Variants in KIF14 observed in about 807,000 individuals in gnomAD.
The protein encoded by KIF14 is kinesin-like protein KIF14.
In KIF14, 98 loss-of-function variants were observed where a neutral mutation model predicts 176.2. The ratio of observed to expected loss-of-function variants is 0.56; its 90% CI spans 0.47 to 0.66. The LOEUF (loss-of-function observed/expected upper bound fraction) is 0.66, where lower values mean the gene tolerates loss of function less well. Among genes scored for constraint, KIF14 ranks in the 30% least tolerant of loss-of-function variants. The probability of loss-of-function intolerance (pLI) is 0.00; values close to 1 mark genes in which losing one functional copy is unlikely to be tolerated. For missense variants in KIF14, 1,751 were observed against 1,920.4 expected (o/e 0.91, Z 1.65); for synonymous variants, 566 against 632.2 (o/e 0.90, Z 1.57).
Position 200,590,262 on chromosome 1 carries a change from C to A in KIF14, c.2824G>T (p.Glu942Ter). ...LMAQRSQLEAEIKEAQLKAKE... is the reference protein window; with the variant it reads ...LMAQRSQLEA ...GCCTTCAACTGAGCCTCTTTTATTT[C>A]TGCTTCAAGTCTACAATGTAGCAAG... The change falls in exon 17 of 30, where the codon GAA becomes TAA. Residue 942 changes from glutamate to a stop codon, truncating the protein, a stop_gained. Coordinates refer to ENST00000367350, the MANE Select transcript of KIF14 (RefSeq NM_014875.3). LOFTEE classifies it high-confidence loss of function. 1 of 1,612,770 alleles carries A rather than the reference C, an allele frequency of 6.2e-7. No homozygotes were observed. The highest frequency in any genetic ancestry group is 8.5e-7 in the Non-Finnish European group (1 of 1,179,688).
intron 16 of KIF14, among the ~76,000 whole-genome samples, chr1:200,590,709 A>T (rs1659010210): frequency 6.6e-6 from 1 of 152,186 alleles, no homozygotes; most frequent in African/African-American, 2.4e-5. Context: ...GAGATGGATG[A>T]TGGTGATGGT....
intron 19 of KIF14, among the ~76,000 whole-genome samples, chr1:200,585,740 ACT>A (rs1053981242): frequency 1.3e-5 from 2 of 151,558 alleles, no homozygotes; most frequent in African/African-American, 2.4e-5. Flanking sequence ...AGGTGAGGGG[ACT>A]CTCTGCAATT....
At chr1:200,595,236 C>T (rs1387319761) in intron 14 of KIF14, among the ~76,000 whole-genome samples, 1 of 151,962 alleles carries the variant, frequency 6.6e-6, no homozygotes, top group Non-Finnish European at 1.5e-5. Context: ...GTCAACTCTT[C>T]CTTCTCTTCA....
chr1:200,572,116 C>G (rs114278933), intron 22 of KIF14, among the ~76,000 whole-genome samples: 3,582 of 152,178 alleles, frequency 0.024, 49 homozygotes, highest in Non-Finnish European at 0.035. Flanking sequence ...GCTGAAACTT[C>G]GTATACAAGG....
chr1:200,583,443 G>C (rs1658569179), intron 19 of KIF14, among the ~76,000 whole-genome samples: 1 of 152,134 alleles, frequency 6.6e-6, no homozygotes, highest in Non-Finnish European at 1.5e-5. Flanking sequence ...CTTCAAACTA[G>C]TCCAGGGAAG....
Position 200,618,238 on chromosome 1 carries a change from T to C in KIF14, c.486A>G (p.Thr162=), listed in dbSNP as rs144020772. The change falls in exon 2 of 30, where the codon ACA becomes ACG. Residue 162 remains threonine, a synonymous_variant. Coordinates refer to ENST00000367350, the MANE Select transcript of KIF14 (RefSeq NM_014875.3). ...ENNGVSKESR[T]NVRIVNNAKN... ...TAGCATTATTTACAATCCTTACATT[T>C]GTTCTACTTTCCTTAGAAACACCAT... is the stretch of plus-strand genomic sequence containing the variant. The C allele has an allele frequency of 5.0e-6, 8 of 1,613,826 alleles. No individual in the cohort carries two copies. In the African/African-American group the frequency reaches 8.0e-5, roughly 16 times the overall value.
chr1:200,576,410 G>A (rs952164430), intron 21 of KIF14, among the ~76,000 whole-genome samples: 4 of 150,858 alleles, frequency 2.7e-5, no homozygotes, highest in African/African-American at 4.9e-5. Context: ...CCCGGGAGGC[G>A]GAGCTTGCAG....
chr1:200,596,923 T>G (rs1423693987), intron 14 of KIF14, among the ~76,000 whole-genome samples: 1 of 141,044 alleles, frequency 7.1e-6, no homozygotes. Flanking sequence ...TGAGACATAG[T>G]CTCGCTCTGT....
intron 22 of KIF14, among the ~76,000 whole-genome samples, chr1:200,570,537 T>C (rs563986343): frequency 6.6e-6 from 1 of 152,166 alleles, no homozygotes; most frequent in Non-Finnish European, 1.5e-5. Flanking sequence ...TAAATGAAAG[T>C]AGTGTACATG....
At chr1:200,612,664 T>C (rs1174075512) in intron 4 of KIF14, among the ~76,000 whole-genome samples, 2 of 152,136 alleles carry the variant, frequency 1.3e-5, no homozygotes, top group Non-Finnish European at 2.9e-5. Context: ...AGAGGCAGTA[T>C]ATCCACAGAA....
At chr1:200,587,072 G>A (rs1037049801) in intron 18 of KIF14, among the ~76,000 whole-genome samples, 21 of 152,090 alleles carry the variant, frequency 1.4e-4, no homozygotes, top group Non-Finnish European at 2.9e-5. Context: ...GGGCTCAGGG[G>A]TTGGTTTCAG....
At chr1:200,561,263 G>C (rs948478056) in intron 25 of KIF14, among the ~76,000 whole-genome samples, 2 of 146,498 alleles carry the variant, frequency 1.4e-5, no homozygotes, top group East Asian at 4.0e-4. Flanking sequence ...AAAATGTCCC[G>C]GACACGGTGG....
intron 3 of KIF14, 66 bp downstream of exon 3, chr1:200,615,289 C>T (rs1258613813): frequency 2.1e-6 from 3 of 1,451,520 alleles, no homozygotes; most frequent in African/African-American, 2.8e-5. Flanking sequence ...TCTATCACCC[C>T]TATGCCACTT....
At chr1:200,589,432 CCTTT>C in intron 17 of KIF14, 63 bp from the exon 18 acceptor site, 1 of 1,384,236 alleles carries the variant, frequency 7.2e-7, no homozygotes, top group Non-Finnish European at 9.8e-7. Flanking sequence ...TACAAAAGTC[CCTTT>C]CTTTAACCAA....
intron 25 of KIF14, among the ~76,000 whole-genome samples, chr1:200,561,262 C>T (rs563999490): frequency 2.1e-3 from 301 of 144,550 alleles, no homozygotes; most frequent in Non-Finnish European, 3.4e-3. Flanking sequence ...AAAAATGTCC[C>T]GGACACGGTG....
chr1:200,615,480 A>T lies in KIF14; in HGVS notation c.1242T>A (p.His414Gln). 6.2e-7 allele frequency: 1 copy of T among 1,614,158 alleles called. No homozygotes were observed. The highest frequency in any genetic ancestry group is 8.5e-7 in the Non-Finnish European group (1 of 1,180,008). Residue 414 changes from histidine to glutamine, a missense_variant, in exon 3 of 30, where the codon CAT becomes CAA. His to Gln is a conservative substitution (Grantham distance 24, BLOSUM62 0). Coordinates refer to ENST00000367350, the MANE Select transcript of KIF14 (RefSeq NM_014875.3). ...CAGTTGTCTGGCTAGCGTAGTGAGG[A>T]TGACATTCATCAAAAGACCAGAATG... ...DVSFWSFDEC[H>Q]PHYASQTTVY...
rs1188664298 is a variant in KIF14, at chr1:200,617,614, C to T, written c.1110G>A (p.Lys370=). Residue 370 remains lysine (K), a splice_region_variant and synonymous_variant, in exon 2 of 30, where the codon AAG becomes AAA. Transcript: ENST00000367350. The part of the protein sequence containing the change: ...TVAVRVRPFT[K]REKIEKASQV... The stretch of plus-strand genomic sequence containing the variant: ...AGATTTTAAAAGGCATCACATACCT[C>T]TTGGTGAAAGGTCTTACGCGTACTG... 2 of 1,596,128 alleles carry T rather than the reference C, an allele frequency of 1.3e-6. No homozygotes were observed. Among genetic ancestry groups the T allele is most frequent in the Non-Finnish European group, 1.7e-6 (2 of 1,170,022 alleles).
intron 4 of KIF14, among the ~76,000 whole-genome samples, chr1:200,613,662 A>T (rs915388468): frequency 1.3e-5 from 2 of 152,220 alleles, no homozygotes; most frequent in Non-Finnish European, 2.9e-5. Flanking sequence ...ACTGACTCAG[A>T]ACCCCCAGAA....
At chr1:200,582,971 T>C (rs1018952470) in intron 19 of KIF14, among the ~76,000 whole-genome samples, 4 of 152,106 alleles carry the variant, frequency 2.6e-5, no homozygotes, top group Non-Finnish European at 5.9e-5. Context: ...CTGAATTTGA[T>C]AGGCCTGAAG....
Sources: gnomAD v4.1 joint callset for allele counts (sites outside exome capture counted in the v4.1 genomes callset) on GRCh38, gnomAD v4.1.1 for gene constraint, MANE v1.5 for transcripts, NCBI Gene and HGNC (gene_info 2026-07-23, HGNC 2026-07-21) for gene names.